PHKB: variants seen among roughly 807,000 people sequenced by gnomAD.
PHKB encodes the protein phosphorylase b kinase regulatory subunit beta.
PHKB carries 122 observed loss-of-function variants against 152.1 expected under a neutral mutation model. That is an observed-to-expected ratio of 0.80 (90% CI 0.69 to 0.93). The LOEUF is 0.93. Among genes scored for constraint, PHKB ranks in the 40% least tolerant of loss-of-function variants. The pLI is 0.00. For missense variants in PHKB, 1,304 were observed against 1,328.4 expected (o/e 0.98, Z 0.29); for synonymous variants, 436 against 464.9 (o/e 0.94, Z 0.80).
chr16:47,597,787 T>C (rs1972149321), intron 13 of PHKB: 1 of 151,412 alleles, frequency 6.6e-6, no homozygotes, highest in South Asian at 2.1e-4. Context: ...CAGGAACTCT[T>C]AATGTCTCTT....
At chr16:47,550,678 G>T (rs1045770480) in intron 7 of PHKB, among the ~76,000 whole-genome samples, 1 of 152,090 alleles carries the variant, frequency 6.6e-6, no homozygotes, top group Non-Finnish European at 1.5e-5. Context: ...GGCTTTTGTT[G>T]GTTGGTAGGC....
At chr16:47,667,629 A>G (rs1384925778) in intron 25 of PHKB, among the ~76,000 whole-genome samples, 3 of 152,160 alleles carry the variant, frequency 2.0e-5, no homozygotes, top group Admixed American at 2.0e-4. Context: ...TTGTGTTTTT[A>G]CCCTGAACCA....
At chr16:47,516,891 A>G (rs918818993) in intron 6 of PHKB, among the ~76,000 whole-genome samples, 2 of 152,186 alleles carry the variant, frequency 1.3e-5, no homozygotes, top group Admixed American at 1.3e-4. Flanking sequence ...TAGTGTTTAT[A>G]ATATTGTGAA....
intron 6 of PHKB, among the ~76,000 whole-genome samples, chr16:47,538,151 T>G (rs1365542852): frequency 6.6e-6 from 1 of 152,162 alleles, no homozygotes; most frequent in African/African-American, 2.4e-5. Flanking sequence ...TGCCTCAGCC[T>G]CCCGAAGTGC....
At chr16:47,555,718 TG>T (rs1376937080) in intron 7 of PHKB, among the ~76,000 whole-genome samples, 2 of 152,204 alleles carry the variant, frequency 1.3e-5, no homozygotes, top group African/African-American at 4.8e-5. Context: ...GCCATTAAAA[TG>T]TAAGATCATG....
intron 26 of PHKB, among the ~76,000 whole-genome samples, chr16:47,674,055 T>C (rs1973682996): frequency 6.6e-6 from 1 of 152,186 alleles, no homozygotes; most frequent in Non-Finnish European, 1.5e-5. Flanking sequence ...TGTTTATTTC[T>C]AAAACTTTAT....
intron 7 of PHKB, chr16:47,566,717 TTCA>T: frequency 1.3e-6 from 1 of 773,506 alleles, no homozygotes; most frequent in Non-Finnish European, 2.4e-6. Flanking sequence ...TATACACATC[TTCA>T]TCATTACTGT....
At chr16:47,595,954 T>A (rs1423181807) in intron 12 of PHKB, among the ~76,000 whole-genome samples, 2 of 152,172 alleles carry the variant, frequency 1.3e-5, no homozygotes, top group Non-Finnish European at 2.9e-5. Flanking sequence ...CATTACAGTG[T>A]CTTGAAGGGA....
chr16:47,686,115 G>A (rs772963741), intron 26 of PHKB, among the ~76,000 whole-genome samples: 2 of 152,172 alleles, frequency 1.3e-5, no homozygotes, highest in Non-Finnish European at 2.9e-5. Context: ...TTCCTTTCAT[G>A]ATTTTTGAGA....
rs183800391 is a variant in PHKB at position 47,581,578 on chromosome 16, G to A, written c.774+1220G>A. 1.4e-4 allele frequency among the ~76,000 whole-genome samples: 21 copies of A among 152,314 alleles called. No individual in the cohort carries two copies. In the East Asian group the frequency reaches 2.9e-3, roughly 21 times the overall value. On this transcript the variant is annotated intron_variant, in intron 8 of 30. Transcript: ENST00000323584. ...TAAAAAAATAAAGATAATGATAATAGGACCTAACTCAGGAGGTTTTCATGC... is the reference window on the plus strand; with the variant it reads ...TAAAAAAATAAAGATAATGATAATAAGACCTAACTCAGGAGGTTTTCATGC...
chr16:47,539,414 C>T (rs1971011245), intron 6 of PHKB, among the ~76,000 whole-genome samples: 1 of 151,562 alleles, frequency 6.6e-6, no homozygotes, highest in Non-Finnish European at 1.5e-5. Flanking sequence ...TTCATAGGGA[C>T]ATTTCAGATT....
At chr16:47,638,625 C>A (rs1186565972) in intron 14 of PHKB, among the ~76,000 whole-genome samples, 1 of 152,158 alleles carries the variant, frequency 6.6e-6, no homozygotes, top group African/African-American at 2.4e-5. Flanking sequence ...AAGAAAGATA[C>A]CAGTAAAATA....
At chr16:47,617,529 G>A (rs1972540840) in intron 14 of PHKB, among the ~76,000 whole-genome samples, 1 of 151,878 alleles carries the variant, frequency 6.6e-6, no homozygotes, top group Non-Finnish European at 1.5e-5. Context: ...CATATAAGTG[G>A]AATCATGCCA....
chr16:47,536,593 C>A (rs1022646761), intron 6 of PHKB, among the ~76,000 whole-genome samples: 33 of 152,104 alleles, frequency 2.2e-4, no homozygotes, highest in Admixed American at 1.4e-3. Context: ...TATATAGTAA[C>A]CCCAGCATGG....
chr16:47,587,798 C>G, intron 9 of PHKB, 35 bp downstream of exon 9: 3 of 1,395,072 alleles, frequency 2.2e-6, no homozygotes, highest in Non-Finnish European at 3.1e-6. Context: ...TTAACATGAA[C>G]TATTGTTTAT....
chr16:47,589,938 C>A (rs1971999726), intron 10 of PHKB, among the ~76,000 whole-genome samples: 1 of 152,194 alleles, frequency 6.6e-6, no homozygotes, highest in South Asian at 2.1e-4. Flanking sequence ...GCACATGCCA[C>A]AATGCCCAGC....
intron 14 of PHKB, among the ~76,000 whole-genome samples, chr16:47,611,417 G>A (rs984253672): frequency 6.6e-6 from 1 of 152,072 alleles, no homozygotes; most frequent in Non-Finnish European, 1.5e-5. Context: ...AGTGTTTGTA[G>A]GATCAGCAAG....
At chr16:47,677,680 C>A (rs1222730671) in intron 26 of PHKB, among the ~76,000 whole-genome samples, 1 of 152,148 alleles carries the variant, frequency 6.6e-6, no homozygotes, top group African/African-American at 2.4e-5. Context: ...TACCATCACA[C>A]TGGAGTTAGG....
intron 26 of PHKB, among the ~76,000 whole-genome samples, chr16:47,681,706 G>A (rs1251717484): frequency 6.6e-6 from 1 of 152,028 alleles, no homozygotes; most frequent in African/African-American, 2.4e-5. Context: ...CACACTGATG[G>A]GTCTTGACCC....
Sources: allele counts gnomAD v4.1 joint callset (sites outside exome capture counted in the v4.1 genomes callset), GRCh38; gene constraint gnomAD v4.1.1; transcripts MANE v1.5; gene names NCBI Gene and HGNC (gene_info 2026-07-23, HGNC 2026-07-21).